The following BSND variants were observed in gnomAD, a reference collection of about 807,000 sequenced individuals.
BSND encodes barttin.
A neutral mutation model predicts 18.8 loss-of-function variants in BSND; 13 were observed. That is an observed-to-expected ratio of 0.69 (90% confidence interval 0.45 to 1.10). The LOEUF is 1.10. Ranked by LOEUF, BSND falls within the 50% of genes least tolerant of loss-of-function variation. The probability of loss-of-function intolerance (pLI) is 0.00; values close to 1 mark genes in which losing one functional copy is unlikely to be tolerated. For synonymous variants in BSND, 170 were observed against 161.8 expected (o/e 1.05, Z -0.39); for missense variants, 379 against 416.7 (o/e 0.91, Z 0.79).
intron 1 of BSND, among the ~76,000 whole-genome samples, chr1:55,003,230 T>C (rs1644372617): frequency 6.6e-6 from 1 of 151,812 alleles, no homozygotes. Flanking sequence ...TTTTCTTTTT[T>C]GTTTTTAAGA....
rs538793426 is a variant in BSND at position 55,016,628 on chromosome 1, G to T, written c.*8000G>T. Among the ~76,000 whole-genome samples, 11 of 152,226 alleles carry T rather than the reference G, an allele frequency of 7.2e-5. No homozygotes were observed. The East Asian group carries it at 7.7e-4, about 11-fold the overall frequency. ...TGTTTGTTTGTTGTTTTGAGACAAG[G>T]TCTTGCCGTATTGCTTAGGCTGGTC... On this transcript the variant is annotated 3_prime_UTR_variant, in exon 4 of 4. Transcript: ENST00000651561.
chr1:55,012,654 A>G lies in BSND; in HGVS notation c.*4026A>G, dbSNP rs1644428428. On this transcript the variant is annotated 3_prime_UTR_variant, in exon 4 of 4. Transcript: ENST00000651561. ...CAGGGAGCCACTGTCCTGCCTATAA[A>G]TAAAACAATAGGTGAGTGCATTCAC... Among the ~76,000 whole-genome samples the G allele has an allele frequency of 6.6e-6, 1 of 152,200 alleles. No individual in the cohort carries two copies. The highest frequency in any genetic ancestry group is 2.4e-5 in the African/African-American group (1 of 41,442).
rs1296868250 is a variant in BSND at position 55,012,395 on chromosome 1, G to A, written c.*3767G>A. Among the ~76,000 whole-genome samples the A allele has an allele frequency of 6.6e-6, 1 of 152,212 alleles. No individual in the cohort carries two copies. The highest frequency in any genetic ancestry group is 1.5e-5 in the Non-Finnish European group (1 of 68,036). On this transcript the variant is annotated 3_prime_UTR_variant, in exon 4 of 4. Coordinates refer to ENST00000651561, the MANE Select transcript of BSND (RefSeq NM_057176.3). ...TGTTTGTTATAAATCCCAGGCTCCA[G>A]AATCAGAAAGACCTGGTTTTACCTT...
At position 55,012,503 on chromosome 1, in the gene BSND, G is replaced by C. The variant is rs906738785; in HGVS notation, c.*3875G>C. On this transcript the variant is annotated 3_prime_UTR_variant, in exon 4 of 4. Transcript: ENST00000651561. ...CCTCAATGTCCACATTTATGCAGTG[G>C]GGAGGATAATACCTCCCTCTTGGGC... Among the ~76,000 whole-genome samples the C allele has an allele frequency of 6.6e-6, 1 of 152,170 alleles. No individual in the cohort carries two copies. Among genetic ancestry groups the C allele is most frequent in the African/African-American group, 2.4e-5 (1 of 41,434 alleles).
At position 55,001,133 on chromosome 1, in the gene BSND, T is replaced by C. The variant is rs185846342; in HGVS notation, c.177+1770T>C. Among the ~76,000 whole-genome samples the C allele has an allele frequency of 4.6e-5, 7 of 152,116 alleles. No individual in the cohort carries two copies. In the East Asian group the frequency reaches 1.2e-3, roughly 25 times the overall value. Reference sequence around the variant, plus strand: ...TCCTTCATGTCCCACTTCTGTGACCTTGGCAGAAAGAGTCCCTCCCCCTCA... The same window carrying C: ...TCCTTCATGTCCCACTTCTGTGACCCTGGCAGAAAGAGTCCCTCCCCCTCA... On this transcript the variant is annotated intron_variant, in intron 1 of 3. Coordinates refer to ENST00000651561, the MANE Select transcript of BSND (RefSeq NM_057176.3).
rs933542241 is a variant in BSND, at chr1:55,010,631, A to G, written c.*2003A>G. Reference sequence around the variant, plus strand: ...AGATGCCCCTGTGTGCTGGGTTACAAGGTCATGGCCCTGGGAACACACTTC... The same window carrying G: ...AGATGCCCCTGTGTGCTGGGTTACAGGGTCATGGCCCTGGGAACACACTTC... On this transcript the variant is annotated 3_prime_UTR_variant, in exon 4 of 4. Coordinates refer to ENST00000651561, the MANE Select transcript of BSND (RefSeq NM_057176.3). 1 of 152,244 alleles carries G rather than the reference A, an allele frequency of 6.6e-6. No individual in the cohort carries two copies. Among genetic ancestry groups the G allele is most frequent in the Non-Finnish European group, 1.5e-5 (1 of 68,106 alleles). The allele number at this position is 152,244 out of a possible 1,614,324, so 9.4% of individuals were successfully genotyped here. A position where few individuals can be genotyped will look rare whatever the true frequency, so the allele number is the denominator to read the frequency against.
In BSND at chr1:55,005,105, C is replaced by G; in HGVS notation, c.261C>G (p.Ala87=). The G allele has an allele frequency of 6.2e-7, 1 of 1,614,106 alleles. No individual in the cohort carries two copies. Among genetic ancestry groups the G allele is most frequent in the Non-Finnish European group, 8.5e-7 (1 of 1,180,014 alleles). Residue 87 remains alanine, a synonymous_variant, in exon 2 of 4, where the codon GCC becomes GCG. Transcript: ENST00000651561. ...GCCTGCTGGAGAATGGGCTTGCTGC[C>G]GAGATGAAGAGGTAGGTGCCAGGCC... is the stretch of plus-strand genomic sequence containing the variant. ...AMGLLENGLA[A]EMKSPSPQPP... is the part of the protein sequence containing the mutation.
intron 3 of BSND, among the ~76,000 whole-genome samples, chr1:55,007,642 G>A (rs1435835551): frequency 6.6e-6 from 1 of 152,136 alleles, no homozygotes; most frequent in Non-Finnish European, 1.5e-5. Context: ...GTGAGTAGCA[G>A]GGGGCCAGGA....
Position 55,005,052 on chromosome 1 carries a change from C to A in BSND, c.208C>A (p.Gln70Lys), listed in dbSNP as rs1179468246. The stretch of plus-strand genomic sequence containing the variant: ...CTTCGTCCCTGCTGACTCTGACTTT[C>A]AAGGCATCCTCTCCCCAAAGGCCAT... ...ITFVPADSDF[Q>K]GILSPKAMGL... The change falls in exon 2 of 4, where the codon CAA becomes AAA. Residue 70 changes from glutamine to lysine, a missense_variant. By Grantham distance (53) the Gln-to-Lys change is moderately conservative (BLOSUM62 1). Coordinates refer to ENST00000651561, the MANE Select transcript of BSND (RefSeq NM_057176.3). The A allele has an allele frequency of 5.0e-6, 8 of 1,614,104 alleles. No homozygotes were observed. The highest frequency in any genetic ancestry group is 6.8e-6 in the Non-Finnish European group (8 of 1,180,048).
chr1:55,011,975 C>T lies in BSND; in HGVS notation c.*3347C>T, dbSNP rs986932961. 1.3e-5 allele frequency among the ~76,000 whole-genome samples: 2 copies of T among 152,180 alleles called. No individual in the cohort carries two copies. Among genetic ancestry groups the T allele is most frequent in the African/African-American group, 2.4e-5 (1 of 41,442 alleles). ...TGGGATTCTAGCGTTCAGCTCCAGG[C>T]TCCAGGTGTGTGTGCCAGGGTGAAA... On this transcript the variant is annotated 3_prime_UTR_variant, in exon 4 of 4. Coordinates refer to ENST00000651561, the MANE Select transcript of BSND (RefSeq NM_057176.3).
rs187531434 is a variant in BSND at position 55,010,714 on chromosome 1, C to T, written c.*2086C>T. On this transcript the variant is annotated 3_prime_UTR_variant, in exon 4 of 4. Coordinates refer to ENST00000651561, the MANE Select transcript of BSND (RefSeq NM_057176.3). ...TGAAGGATGCCACAGGGTACACCCT[C>T]TCTGCTGTCATGACTCAGGACAGGA... The T allele has an allele frequency of 1.3e-5, 2 of 152,418 alleles. No homozygotes were observed. Among genetic ancestry groups the T allele is most frequent in the Non-Finnish European group, 2.9e-5 (2 of 68,114 alleles). The allele number at this position is 152,418 out of a possible 1,614,324, so 9.4% of individuals were successfully genotyped here.
chr1:55,008,847 C>A lies in BSND; in HGVS notation c.*219C>A. On this transcript the variant is annotated 3_prime_UTR_variant, in exon 4 of 4. Coordinates refer to ENST00000651561, the MANE Select transcript of BSND (RefSeq NM_057176.3). The stretch of plus-strand genomic sequence containing the variant: ...GTGGTCTTTGGCCAACCTTTGAAGG[C>A]AAAATATGATTTGTTGAGGTTTGCA... 2 of 682,316 alleles carry A rather than the reference C, an allele frequency of 2.9e-6. No homozygotes were observed. The highest frequency in any genetic ancestry group is 4.9e-6 in the Non-Finnish European group (2 of 409,574). The allele number at this position is 682,316 out of a possible 1,614,324, so 42.3% of individuals were successfully genotyped here.
At chr1:55,007,850 T>A (rs1644399647) in intron 3 of BSND, among the ~76,000 whole-genome samples, 2 of 152,122 alleles carry the variant, frequency 1.3e-5, no homozygotes, top group South Asian at 4.2e-4. Context: ...CCTGAGGAGC[T>A]CTGAGTCCAA....
At chr1:55,004,649 G>A (rs958304832) in intron 1 of BSND, among the ~76,000 whole-genome samples, 2 of 152,224 alleles carry the variant, frequency 1.3e-5, no homozygotes, top group African/African-American at 4.8e-5. Context: ...AAATATGGAT[G>A]AAGCACCTAC....
In BSND at chr1:55,008,813, C is replaced by T. The variant is rs1369671993; in HGVS notation, c.*185C>T. 5 of 908,622 alleles carry T rather than the reference C, an allele frequency of 5.5e-6. No individual in the cohort carries two copies. Among genetic ancestry groups the T allele is most frequent in the Non-Finnish European group, 5.0e-6 (3 of 597,450 alleles). The allele number at this position is 908,622 out of a possible 1,614,324, so 56.3% of individuals were successfully genotyped here. The stretch of plus-strand genomic sequence containing the variant: ...GACTATTAGTGGACTCTTGTTTTTC[C>T]AATAGTTAGTGGTCTTTGGCCAACC... On this transcript the variant is annotated 3_prime_UTR_variant, in exon 4 of 4. Coordinates refer to ENST00000651561, the MANE Select transcript of BSND (RefSeq NM_057176.3).
At position 55,005,074 on chromosome 1, in the gene BSND, C is replaced by G; in HGVS notation, c.230C>G (p.Ala77Gly). Residue 77 changes from alanine (A) to glycine (G), a missense_variant, in exon 2 of 4, where the codon GCC (alanine) becomes GGC (glycine). Ala to Gly is a moderately conservative substitution (Grantham distance 60). Coordinates refer to ENST00000651561, the MANE Select transcript of BSND (RefSeq NM_057176.3). ...TTTCAAGGCATCCTCTCCCCAAAGGCCATGGGCCTGCTGGAGAATGGGCTT... is the reference window on the plus strand; with the variant it reads ...TTTCAAGGCATCCTCTCCCCAAAGGGCATGGGCCTGCTGGAGAATGGGCTT... ...SDFQGILSPK[A>G]MGLLENGLAA... 1 of 1,614,202 alleles carries G rather than the reference C, an allele frequency of 6.2e-7. No individual in the cohort carries two copies. Among genetic ancestry groups the G allele is most frequent in the Admixed American group, 1.7e-5 (1 of 60,032 alleles).
rs1644434736 is a variant in BSND, at chr1:55,013,704, C to G, written c.*5076C>G. Among the ~76,000 whole-genome samples the G allele has an allele frequency of 6.6e-6, 1 of 152,094 alleles. No individual in the cohort carries two copies. The highest frequency in any genetic ancestry group is 6.5e-5 in the Admixed American group (1 of 15,280). On this transcript the variant is annotated 3_prime_UTR_variant, in exon 4 of 4. Coordinates refer to ENST00000651561, the MANE Select transcript of BSND (RefSeq NM_057176.3). ...CTGTGCTAGTGTGGAGGGAGACACC[C>G]CCCTGCAACATCTTCCATGACTGCC...
rs558960277 is a variant in BSND at position 54,999,071 on chromosome 1, G to C, written c.-116G>C. 7.7e-7 allele frequency: 1 copy of C among 1,303,384 alleles called. No individual in the cohort carries two copies. Among genetic ancestry groups the C allele is most frequent in the Non-Finnish European group, 1.1e-6 (1 of 921,998 alleles). 80.7% of individuals were successfully genotyped at this position (1,303,384 alleles called of 1,614,324 possible). On this transcript the variant is annotated 5_prime_UTR_variant, in exon 1 of 4. Transcript: ENST00000651561. ...GGATCTTGCTCTCCCTTGAAGCCTTGAGTTGCAGCGATTTCAGTGTCTTCT... is the reference window on the plus strand; with the variant it reads ...GGATCTTGCTCTCCCTTGAAGCCTTCAGTTGCAGCGATTTCAGTGTCTTCT...
At chr1:55,007,436 T>C (rs1412119117) in intron 3 of BSND, among the ~76,000 whole-genome samples, 164 bp downstream of exon 3, 3 of 151,810 alleles carry the variant, frequency 2.0e-5, no homozygotes, top group East Asian at 3.9e-4. Flanking sequence ...GACAAATGAG[T>C]ATGGGCTTGG....
Sources: gnomAD v4.1 joint callset for allele counts (sites outside exome capture counted in the v4.1 genomes callset) on GRCh38, gnomAD v4.1.1 for gene constraint, MANE v1.5 for transcripts, NCBI Gene and HGNC (gene_info 2026-07-23, HGNC 2026-07-21) for gene names.